VOPP1: variants seen among roughly 807,000 people sequenced by gnomAD.
The protein encoded by VOPP1 is VOPP1 WW domain binding protein.
VOPP1 carries 8 observed loss-of-function variants against 23.5 expected under a neutral mutation model. The ratio of observed to expected loss-of-function variants is 0.34; its 90% CI spans 0.20 to 0.61. VOPP1 has a LOEUF of 0.61. Among genes scored for constraint, VOPP1 ranks in the 20% least tolerant of loss-of-function variants. VOPP1 has a pLI of 0.78. For missense variants in VOPP1, 174 were observed against 238.1 expected (o/e 0.73, Z 1.77); for synonymous variants, 83 against 97.3 (o/e 0.85, Z 0.86).
At chr7:55,465,261 C>T (rs1583820346) in intron 4 of VOPP1, among the ~76,000 whole-genome samples, 2 of 152,108 alleles carry the variant, frequency 1.3e-5, no homozygotes, top group Non-Finnish European at 2.9e-5. Flanking sequence ...CTGGGATGCT[C>T]GCAGATCTCA....
chr7:55,496,169 T>C (rs563296096), intron 3 of VOPP1, among the ~76,000 whole-genome samples: 2 of 152,362 alleles, frequency 1.3e-5, no homozygotes, highest in East Asian at 3.9e-4. Context: ...TTTCATTTTT[T>C]ACAAGCATTC....
chr7:55,478,513 G>T (rs1792444122), intron 4 of VOPP1, among the ~76,000 whole-genome samples: 1 of 152,124 alleles, frequency 6.6e-6, no homozygotes, highest in South Asian at 2.1e-4. Flanking sequence ...AATAGCAAAA[G>T]AAACTACCTT....
At chr7:55,457,679 G>T (rs1791402631) in intron 4 of VOPP1, among the ~76,000 whole-genome samples, 2 of 151,700 alleles carry the variant, frequency 1.3e-5, no homozygotes, top group African/African-American at 4.8e-5. Context: ...ATATCTCATT[G>T]TGGTTTTGAT....
chr7:55,564,112 ACCTGG>A (rs1346496183), intron 1 of VOPP1, among the ~76,000 whole-genome samples: 8 of 152,130 alleles, frequency 5.3e-5, no homozygotes, highest in Non-Finnish European at 1.2e-4. Flanking sequence ...GGCTATAGGA[ACCTGG>A]CTTCACAGCT....
rs1157864775 is a variant in VOPP1, at chr7:55,552,720, G to A, written c.54+19551C>T. ...GGAGCCCCAGCCCCTCCGAAGGCAGGAGTCTGGTCGCCAGGTTGCCGGCAC... is the reference window on the plus strand; with the variant it reads ...GGAGCCCCAGCCCCTCCGAAGGCAGAAGTCTGGTCGCCAGGTTGCCGGCAC... On this transcript the variant is annotated intron_variant, in intron 1 of 4. Transcript: ENST00000285279. 49 of 1,535,418 alleles carry A rather than the reference G, an allele frequency of 3.2e-5. 1 individual carries two copies. The South Asian group carries it at 4.2e-4, about 13-fold the overall frequency.
chr7:55,521,913 A>G lies in VOPP1; in HGVS notation c.55-783T>C, dbSNP rs556397143. 1.2e-5 allele frequency: 12 copies of G among 985,564 alleles called. No individual in the cohort carries two copies. The Admixed American group carries it at 5.5e-4, about 45-fold the overall frequency. 61.1% of individuals were successfully genotyped at this position (985,564 alleles called of 1,614,324 possible). A position where few individuals can be genotyped will look rare whatever the true frequency, so the allele number is the denominator to read the frequency against. Reference sequence around the variant, plus strand: ...ATCTGAACAAGGCTTTTCTAAAATTATTCCATTCGTGCTGTCATTTTTGTT... The same window carrying G: ...ATCTGAACAAGGCTTTTCTAAAATTGTTCCATTCGTGCTGTCATTTTTGTT... On this transcript the variant is annotated intron_variant, in intron 1 of 4. Coordinates refer to ENST00000285279, the MANE Select transcript of VOPP1 (RefSeq NM_030796.5).
intron 1 of VOPP1, among the ~76,000 whole-genome samples, chr7:55,524,504 A>G (rs1796051257): frequency 6.6e-6 from 1 of 152,230 alleles, no homozygotes; most frequent in African/African-American, 2.4e-5. Context: ...GAATGCCAAC[A>G]TCGTAATACT....
At chr7:55,451,211 G>A (rs1325048219) in intron 4 of VOPP1, among the ~76,000 whole-genome samples, 2 of 152,154 alleles carry the variant, frequency 1.3e-5, no homozygotes, top group Non-Finnish European at 2.9e-5. Context: ...GGAGTGGAAC[G>A]AGATCCTTTC....
intron 2 of VOPP1, among the ~76,000 whole-genome samples, chr7:55,501,816 C>CT (rs1307448850): frequency 6.6e-6 from 1 of 152,178 alleles, no homozygotes; most frequent in Admixed American, 6.5e-5. Context: ...CCATGATCCT[C>CT]TGAGCTCCTG....
At chr7:55,445,242 CAG>C (rs1562878600) in intron 4 of VOPP1, among the ~76,000 whole-genome samples, 10 of 129,420 alleles carry the variant, frequency 7.7e-5, no homozygotes, top group Middle Eastern at 3.6e-3. Context: ...CACACACACA[CAG>C]ACACACACAC....
chr7:55,508,062 C>T (rs1429308768), intron 2 of VOPP1, among the ~76,000 whole-genome samples: 2 of 152,114 alleles, frequency 1.3e-5, no homozygotes, highest in African/African-American at 4.8e-5. Context: ...GTATTTCTAC[C>T]ATGGGAGAAA....
intron 4 of VOPP1, among the ~76,000 whole-genome samples, chr7:55,483,962 G>A (rs927966091): frequency 1.3e-5 from 2 of 151,984 alleles, no homozygotes; most frequent in Non-Finnish European, 2.9e-5. Flanking sequence ...TCATCATATC[G>A]GTCAGGCTGG....
intron 1 of VOPP1, among the ~76,000 whole-genome samples, chr7:55,542,905 CTTT>C (rs553803447): frequency 3.3e-5 from 5 of 151,768 alleles, no homozygotes; most frequent in South Asian, 2.1e-4. Flanking sequence ...TTTCATTCTT[CTTT>C]TTTGTTTTTT....
At chr7:55,442,638 CT>C (rs1382414735) in intron 4 of VOPP1, among the ~76,000 whole-genome samples, 6 of 136,976 alleles carry the variant, frequency 4.4e-5, no homozygotes, top group Non-Finnish European at 9.4e-5. Context: ...ATACACACCA[CT>C]TTTGAAGTAG....
At chr7:55,496,309 C>T (rs1013700547) in intron 3 of VOPP1, among the ~76,000 whole-genome samples, 1 of 132 alleles carries the variant, frequency 7.6e-3, no homozygotes, top group Admixed American at 0.071. Context: ...GAGGAGGCTC[C>T]GGAGCAAGGC....
chr7:55,493,021 C>A (rs979005369), intron 3 of VOPP1: 2 of 152,218 alleles, frequency 1.3e-5, no homozygotes, highest in Admixed American at 6.5e-5. Flanking sequence ...AAGAGAAATA[C>A]AATCTATCAA....
chr7:55,458,595 T>C (rs796215942), intron 4 of VOPP1, among the ~76,000 whole-genome samples: 36 of 152,280 alleles, frequency 2.4e-4, no homozygotes, highest in African/African-American at 8.2e-4. Flanking sequence ...TGTTTTGTAG[T>C]TTCCCTTGTA....
intron 4 of VOPP1, among the ~76,000 whole-genome samples, chr7:55,459,570 T>C (rs1311095726): frequency 6.6e-6 from 1 of 152,086 alleles, no homozygotes; most frequent in Non-Finnish European, 1.5e-5. Flanking sequence ...TCTGTTCAGG[T>C]TTTCTATTTC....
intron 1 of VOPP1, among the ~76,000 whole-genome samples, chr7:55,534,653 G>C (rs1242310692): frequency 6.6e-6 from 1 of 152,180 alleles, no homozygotes; most frequent in South Asian, 2.1e-4. Flanking sequence ...CAGGTGTCCT[G>C]CCCACAAAAG....
Sources: allele counts gnomAD v4.1 joint callset (sites outside exome capture counted in the v4.1 genomes callset), GRCh38; gene constraint gnomAD v4.1.1; transcripts MANE v1.5; gene names NCBI Gene and HGNC (gene_info 2026-07-23, HGNC 2026-07-21).